Variants in ANKS1B observed in about 807,000 individuals in gnomAD.
The protein encoded by ANKS1B is ankyrin repeat and sterile alpha motif domain-containing protein 1B.
ANKS1B carries 36 observed loss-of-function variants against 148.3 expected under a neutral mutation model. The ratio of observed to expected loss-of-function variants is 0.24; its 90% confidence interval spans 0.19 to 0.32. The LOEUF (loss-of-function observed/expected upper bound fraction) is 0.32. Among genes scored for constraint, ANKS1B ranks in the 10% least tolerant of loss-of-function variants. The pLI, the probability that ANKS1B is intolerant of heterozygous loss-of-function variation, is 1.00. For missense variants in ANKS1B, 1,157 were observed against 1,542.6 expected (o/e 0.75, Z 4.19); for synonymous variants, 542 against 560.8 (o/e 0.97, Z 0.47).
intron 14 of ANKS1B, among the ~76,000 whole-genome samples, chr12:99,240,535 C>T (rs999706596): frequency 6.6e-6 from 1 of 152,190 alleles, no homozygotes; most frequent in African/African-American, 2.4e-5. Flanking sequence ...ATATCCAGGA[C>T]TTGAACTCAG....
chr12:99,845,462 T>C (rs114805113), intron 1 of ANKS1B, among the ~76,000 whole-genome samples: 1,703 of 152,314 alleles, frequency 0.011, 30 homozygotes, highest in African/African-American at 0.039. Context: ...GCAAAGGCCT[T>C]TTCTACATCT....
At chr12:99,495,036 T>G (rs555181158) in intron 10 of ANKS1B, among the ~76,000 whole-genome samples, 6 of 152,106 alleles carry the variant, frequency 3.9e-5, no homozygotes, top group Non-Finnish European at 8.8e-5. Context: ...AGGAAAAGTA[T>G]CTCAGGATTG....
chr12:99,605,980 T>C (rs2097848473), intron 9 of ANKS1B, among the ~76,000 whole-genome samples: 2 of 152,214 alleles, frequency 1.3e-5, no homozygotes, highest in Non-Finnish European at 2.9e-5. Flanking sequence ...CCTTTCTTCA[T>C]GTCCTCACCA....
intron 8 of ANKS1B, among the ~76,000 whole-genome samples, chr12:99,767,670 A>C (rs960138775): frequency 6.6e-6 from 1 of 152,110 alleles, no homozygotes; most frequent in Non-Finnish European, 1.5e-5. Context: ...TTTCTTCAAA[A>C]TTTACATTCT....
intron 12 of ANKS1B, among the ~76,000 whole-genome samples, chr12:99,351,245 G>A (rs763025234): frequency 1.5e-4 from 23 of 151,938 alleles, no homozygotes; most frequent in African/African-American, 3.6e-4. Context: ...GAAATGAGTC[G>A]TACAGGTTTT....
chr12:99,502,397 CTCATCTGAAGT>C (rs1258670826), intron 10 of ANKS1B, among the ~76,000 whole-genome samples: 2 of 152,142 alleles, frequency 1.3e-5, no homozygotes, highest in Non-Finnish European at 2.9e-5. Context: ...AACTCTGATG[CTCATCTGAAGT>C]TTACACTATT....
At chr12:99,677,167 C>A (rs149307294) in intron 8 of ANKS1B, among the ~76,000 whole-genome samples, 1 of 152,216 alleles carries the variant, frequency 6.6e-6, no homozygotes, top group Admixed American at 6.5e-5. Context: ...TACACTTTTG[C>A]GCTCCTACAT....
At chr12:99,092,561 G>A (rs11109724) in intron 15 of ANKS1B, among the ~76,000 whole-genome samples, 6 of 151,542 alleles carry the variant, frequency 4.0e-5, no homozygotes, top group South Asian at 2.1e-4. Flanking sequence ...TATGCTGAAC[G>A]TTTCCCAGTG....
intron 15 of ANKS1B, among the ~76,000 whole-genome samples, chr12:99,143,926 C>G (rs189597542): frequency 2.2e-4 from 34 of 152,166 alleles, no homozygotes; most frequent in African/African-American, 7.5e-4. Flanking sequence ...TTATTGAAAA[C>G]TTTTCCCTAT....
chr12:99,601,115 A>C (rs975862193), intron 9 of ANKS1B, among the ~76,000 whole-genome samples: 1 of 152,076 alleles, frequency 6.6e-6, no homozygotes, highest in African/African-American at 2.4e-5. Context: ...TATATGTTAT[A>C]TGCCTCTAAC....
chr12:98,936,211 T>C (rs193235029), intron 17 of ANKS1B, among the ~76,000 whole-genome samples: 1 of 152,320 alleles, frequency 6.6e-6, no homozygotes, highest in East Asian at 1.9e-4. Flanking sequence ...CACTGATGAG[T>C]ATGCTTCAGT....
At chr12:99,325,254 C>T (rs1014586374) in intron 12 of ANKS1B, among the ~76,000 whole-genome samples, 3 of 151,826 alleles carry the variant, frequency 2.0e-5, no homozygotes, top group Non-Finnish European at 2.9e-5. Flanking sequence ...TGAAAAGAGC[C>T]CCTATCACAG....
At chr12:99,119,209 A>G (rs1229875813) in intron 15 of ANKS1B, among the ~76,000 whole-genome samples, 1 of 152,176 alleles carries the variant, frequency 6.6e-6, no homozygotes, top group African/African-American at 2.4e-5. Context: ...TTTGACAGAC[A>G]AAAGAGGAGG....
At chr12:98,895,340 C>G (rs991856947) in intron 17 of ANKS1B, 37 of 983,172 alleles carry the variant, frequency 3.8e-5, no homozygotes, top group Non-Finnish European at 4.2e-5. Flanking sequence ...GGGAGGCCGC[C>G]GGGGCGGTAG....
chr12:99,298,994 T>A (rs2081261537), intron 12 of ANKS1B, among the ~76,000 whole-genome samples: 1 of 151,996 alleles, frequency 6.6e-6, no homozygotes, highest in African/African-American at 2.4e-5. Context: ...AGCTGACCTG[T>A]CAGTTATTAT....
intron 9 of ANKS1B, among the ~76,000 whole-genome samples, chr12:99,618,158 C>T (rs1159041219): frequency 6.6e-6 from 1 of 152,118 alleles, no homozygotes; most frequent in Non-Finnish European, 1.5e-5. Flanking sequence ...ACTCAAACAT[C>T]ACCTTCCCAG....
chr12:99,483,065 G>A (rs780441746), intron 10 of ANKS1B, among the ~76,000 whole-genome samples: 1 of 151,032 alleles, frequency 6.6e-6, no homozygotes, highest in Admixed American at 6.6e-5. Flanking sequence ...AGGCAAGCTT[G>A]TTTTGTTCCT....
chr12:99,913,811 T>C (rs1485784297), intron 1 of ANKS1B, among the ~76,000 whole-genome samples: 3 of 152,008 alleles, frequency 2.0e-5, no homozygotes, highest in African/African-American at 4.8e-5. Context: ...TAAAGGTGGA[T>C]AGATTTCATA....
At chr12:99,422,513 T>C (rs1359140918) in intron 11 of ANKS1B, among the ~76,000 whole-genome samples, 1 of 152,098 alleles carries the variant, frequency 6.6e-6, no homozygotes, top group Admixed American at 6.5e-5. Context: ...CTGAAGGAGA[T>C]GTAGAAATTA....
Sources: gnomAD v4.1 joint callset for allele counts (sites outside exome capture counted in the v4.1 genomes callset) on GRCh38, gnomAD v4.1.1 for gene constraint, MANE v1.5 for transcripts, NCBI Gene and HGNC (gene_info 2026-07-23, HGNC 2026-07-21) for gene names.